Variants in MSRA observed in about 807,000 individuals in gnomAD.
The protein encoded by MSRA is mitochondrial peptide methionine sulfoxide reductase.
In MSRA, 54 loss-of-function variants were observed where a neutral mutation model predicts 31.3. The ratio of observed to expected loss-of-function variants is 1.73; its 90% CI spans 1.39 to 2.17. MSRA has a LOEUF of 2.17. Ranked by LOEUF, MSRA falls within the 30% of genes most tolerant of loss-of-function variation. The pLI, the probability that MSRA is intolerant of heterozygous loss-of-function variation, is 0.00. For synonymous variants in MSRA, 169 were observed against 116.5 expected (o/e 1.45, Z -2.90); for missense variants, 507 against 300.9 (o/e 1.69, Z -5.07).
At chr8:10,266,104 A>G (rs1190368463) in intron 3 of MSRA, among the ~76,000 whole-genome samples, 2 of 152,184 alleles carry the variant, frequency 1.3e-5, no homozygotes, top group South Asian at 2.1e-4. Flanking sequence ...TCTTACATTA[A>G]TACCTAGAAA....
At chr8:10,243,831 C>G (rs936603145) in intron 2 of MSRA, among the ~76,000 whole-genome samples, 1 of 152,134 alleles carries the variant, frequency 6.6e-6, no homozygotes, top group African/African-American at 2.4e-5. Context: ...TATGATATCA[C>G]AAACATATTT....
At chr8:10,265,163 T>A (rs1242503119) in intron 3 of MSRA, among the ~76,000 whole-genome samples, 1 of 152,204 alleles carries the variant, frequency 6.6e-6, no homozygotes, top group Non-Finnish European at 1.5e-5. Flanking sequence ...CCAGTCCATA[T>A]TCCAGAAGTT....
chr8:10,329,251 C>A (rs1284801359), intron 5 of MSRA, among the ~76,000 whole-genome samples: 1 of 152,188 alleles, frequency 6.6e-6, no homozygotes, highest in Non-Finnish European at 1.5e-5. Flanking sequence ...AGCCCAAAGT[C>A]AATTTCCCTG....
intron 5 of MSRA, among the ~76,000 whole-genome samples, chr8:10,334,531 A>G (rs1802906378): frequency 6.6e-6 from 1 of 151,968 alleles, no homozygotes; most frequent in South Asian, 2.1e-4. Flanking sequence ...TGCGTTTCAA[A>G]TTCCCGTTGA....
At chr8:10,079,185 G>A (rs1331844503) in intron 1 of MSRA, among the ~76,000 whole-genome samples, 1 of 151,986 alleles carries the variant, frequency 6.6e-6, no homozygotes, top group African/African-American at 2.4e-5. Context: ...TTTAGGCAGG[G>A]TCTCACTTTG....
intron 5 of MSRA, among the ~76,000 whole-genome samples, chr8:10,375,041 A>G (rs1361209455): frequency 1.3e-5 from 2 of 152,192 alleles, no homozygotes; most frequent in African/African-American, 4.8e-5. Flanking sequence ...CAGAAGCCAA[A>G]CAGATGCTGG....
intron 3 of MSRA, among the ~76,000 whole-genome samples, chr8:10,275,268 C>T (rs186089142): frequency 4.6e-5 from 7 of 152,266 alleles, no homozygotes; most frequent in Admixed American, 6.5e-5. Flanking sequence ...TAATTCCATA[C>T]GATCAAGTTT....
rs574776313 is a variant in MSRA at position 10,165,704 on chromosome 8, C to T, written c.143-42129C>T. The stretch of plus-strand genomic sequence containing the variant: ...ATAGTCTTGTAAGTGGGAGAGTATA[C>T]ACGTGGACATTGTAGCTGGAATCTG... On this transcript the variant is annotated intron_variant, in intron 1 of 5. Coordinates refer to ENST00000317173, the MANE Select transcript of MSRA (RefSeq NM_012331.5). Among the ~76,000 whole-genome samples the T allele has an allele frequency of 4.6e-5, 7 of 152,298 alleles. No homozygotes were observed. The East Asian group carries it at 9.6e-4, about 21-fold the overall frequency.
chr8:10,380,546 A>C (rs1425475635), intron 5 of MSRA, among the ~76,000 whole-genome samples: 1 of 152,090 alleles, frequency 6.6e-6, no homozygotes, highest in Non-Finnish European at 1.5e-5. Flanking sequence ...CCCAAAGTAG[A>C]CTCTGGACTC....
chr8:10,417,033 G>T (rs1002141185), intron 5 of MSRA, among the ~76,000 whole-genome samples: 4 of 152,230 alleles, frequency 2.6e-5, no homozygotes, highest in Non-Finnish European at 4.4e-5. Context: ...AACCTGCAGA[G>T]TATGGGAAAG....
intron 1 of MSRA, among the ~76,000 whole-genome samples, chr8:10,158,029 C>T (rs1436840336): frequency 6.6e-6 from 1 of 152,168 alleles, no homozygotes; most frequent in Non-Finnish European, 1.5e-5. Flanking sequence ...GATCAAGGAG[C>T]CAGCAGATTT....
intron 5 of MSRA, among the ~76,000 whole-genome samples, chr8:10,419,548 C>T (rs556428000): frequency 2.6e-5 from 4 of 152,198 alleles, no homozygotes; most frequent in African/African-American, 7.2e-5. Flanking sequence ...GAGAGGCACC[C>T]TGCAATCCGT....
intron 2 of MSRA, among the ~76,000 whole-genome samples, chr8:10,219,913 A>T (rs1810343344): frequency 6.6e-6 from 1 of 151,814 alleles, no homozygotes; most frequent in South Asian, 2.1e-4. Context: ...TAGGCAATCA[A>T]AATCAAACAG....
intron 1 of MSRA, among the ~76,000 whole-genome samples, chr8:10,112,062 T>G (rs1800331742): frequency 6.6e-6 from 1 of 151,124 alleles, no homozygotes; most frequent in Admixed American, 6.7e-5. Context: ...TTAAATTCCA[T>G]TTGTTAATCC....
At chr8:10,143,511 C>G (rs1049628559) in intron 1 of MSRA, among the ~76,000 whole-genome samples, 3 of 152,116 alleles carry the variant, frequency 2.0e-5, no homozygotes, top group African/African-American at 7.2e-5. Flanking sequence ...GGCTCTATAT[C>G]CTTATGGATT....
At chr8:10,169,800 T>C (rs114753413) in intron 1 of MSRA, among the ~76,000 whole-genome samples, 129 of 152,270 alleles carry the variant, frequency 8.5e-4, no homozygotes, top group African/African-American at 3.0e-3. Context: ...AATAATTTTA[T>C]TTTTTAATAA....
At chr8:10,182,456 C>T (rs537267513) in intron 1 of MSRA, among the ~76,000 whole-genome samples, 48 of 152,304 alleles carry the variant, frequency 3.2e-4, no homozygotes, top group African/African-American at 1.1e-3. Context: ...CAAGGCTACC[C>T]TCAAGATGTT....
At chr8:10,254,572 C>A (rs1242009358) in intron 3 of MSRA, among the ~76,000 whole-genome samples, 1 of 152,204 alleles carries the variant, frequency 6.6e-6, no homozygotes, top group Non-Finnish European at 1.5e-5. Flanking sequence ...TAATCTCTGT[C>A]ACAGTCCCAT....
chr8:10,308,191 T>C (rs996115120), intron 4 of MSRA, among the ~76,000 whole-genome samples: 2 of 152,212 alleles, frequency 1.3e-5, no homozygotes, highest in African/African-American at 4.8e-5. Context: ...AGCCTTCTTA[T>C]TCTCATTTTC....
Sources: allele counts gnomAD v4.1 joint callset (sites outside exome capture counted in the v4.1 genomes callset), GRCh38; gene constraint gnomAD v4.1.1; transcripts MANE v1.5; gene names NCBI Gene and HGNC (gene_info 2026-07-23, HGNC 2026-07-21).